BSN: variants seen among roughly 807,000 people sequenced by gnomAD.
The protein encoded by BSN is bassoon presynaptic cytomatrix protein.
A neutral mutation model predicts 264.8 loss-of-function variants in BSN; 57 were observed. The observed-to-expected ratio is 0.22, with a 90% CI of 0.17 to 0.27. BSN has a LOEUF of 0.27. Ranked by LOEUF, BSN falls within the 10% of genes least tolerant of loss-of-function variation. The pLI is 1.00. For missense variants in BSN, 4,615 were observed against 5,232.5 expected (o/e 0.88, Z 3.64); for synonymous variants, 2,059 against 2,137.3 (o/e 0.96, Z 1.01).
At chr3:49,624,909 G>A in intron 1 of BSN, 66 bp from the exon 2 acceptor site, 26 of 1,439,920 alleles carry the variant, frequency 1.8e-5, no homozygotes, top group Non-Finnish European at 2.3e-5. Flanking sequence ...ACCTAGCTTG[G>A]TAGAGACCTC....
At position 49,656,448 on chromosome 3, in the gene BSN, A is replaced by C. The variant is rs746179856; in HGVS notation, c.6892A>C (p.Arg2298=). Residue 2298 remains arginine, a synonymous_variant, in exon 5 of 12, where the codon AGG becomes CGG. Transcript: ENST00000296452. ...GGCCCCTGGGGCTGGGGGCCCTTCA[A>C]GGCCAGAGATGCCAGTAGGGGCTGC... ...AKAPGAGGPS[R]PEMPVGAARE... 1.3e-6 allele frequency: 2 copies of C among 1,594,506 alleles called. No individual in the cohort carries two copies. Among genetic ancestry groups the C allele is most frequent in the Non-Finnish European group, 1.7e-6 (2 of 1,169,102 alleles).
At chr3:49,559,682 C>T (rs1244010389) in intron 1 of BSN, among the ~76,000 whole-genome samples, 1 of 152,066 alleles carries the variant, frequency 6.6e-6, no homozygotes, top group Non-Finnish European at 1.5e-5. Flanking sequence ...CTTTTTGCTC[C>T]TTGCAGTTTA....
At chr3:49,665,986 CTGGCCT>C (rs1359476132) in intron 11 of BSN, among the ~76,000 whole-genome samples, 1 of 152,274 alleles carries the variant, frequency 6.6e-6, no homozygotes, top group African/African-American at 2.4e-5. Flanking sequence ...GGCCCTGGCC[CTGGCCT>C]TGGCCCTGCC....
chr3:49,655,586 A>G lies in BSN; in HGVS notation c.6030A>G (p.Arg2010=). ...RIGQLFQGPG[R]DSAMDLSSLK... is the part of the protein sequence containing the mutation. ...GGCAGCTCTTCCAGGGTCCTGGACG[A>G]GACTCGGCTATGGACCTCAGCTCAC... The change falls in exon 5 of 12, where the codon CGA becomes CGG. Residue 2010 remains arginine (R), a synonymous_variant. Transcript: ENST00000296452. 2 of 1,613,624 alleles carry G rather than the reference A, an allele frequency of 1.2e-6. No individual in the cohort carries two copies. The highest frequency in any genetic ancestry group is 8.5e-7 in the Non-Finnish European group (1 of 1,179,986).
intron 1 of BSN, among the ~76,000 whole-genome samples, chr3:49,573,188 G>A (rs73831442): frequency 0.024 from 3,628 of 152,314 alleles, 156 homozygotes; most frequent in African/African-American, 0.083. Context: ...AATGCCCTGA[G>A]GCAGTGATGC....
At chr3:49,565,920 C>T (rs1316081996) in intron 1 of BSN, among the ~76,000 whole-genome samples, 3 of 152,054 alleles carry the variant, frequency 2.0e-5, no homozygotes, top group Non-Finnish European at 4.4e-5. Flanking sequence ...CTCACGGGTT[C>T]AAGCAATTCT....
intron 1 of BSN, among the ~76,000 whole-genome samples, chr3:49,624,499 A>G (rs1314836299): frequency 1.3e-5 from 2 of 151,480 alleles, no homozygotes; most frequent in Non-Finnish European, 2.9e-5. Flanking sequence ...GGGTTTCACC[A>G]TGTTGGGCAG....
At chr3:49,620,369 G>A (rs1206553918) in intron 1 of BSN, among the ~76,000 whole-genome samples, 1 of 151,360 alleles carries the variant, frequency 6.6e-6, no homozygotes, top group African/African-American at 2.4e-5. Flanking sequence ...AGGTTGCCGT[G>A]AGCTGAGATC....
At position 49,663,172 on chromosome 3, in the gene BSN, C is replaced by T. The variant is rs145690340; in HGVS notation, c.11014C>T (p.Arg3672Trp). The change falls in exon 7 of 12, where the codon CGG becomes TGG. Residue 3672 changes from arginine to tryptophan, a missense_variant. This residue lies in a region of BSN where 3,415 missense variants were observed against 3,866.4 expected (regional missense o/e 0.88). Coordinates refer to ENST00000296452, the MANE Select transcript of BSN (RefSeq NM_003458.4). Reference protein sequence around the residue: ...PGRRAAKPHARDLGRHEARPH... With the variant: ...PGRRAAKPHAWDLGRHEARPH... ...ACGGCGTGCTGCCAAACCACACGCT[C>T]GGGACCTGGGTCGCCATGAGGCCCG... The T allele has an allele frequency of 2.8e-5, 45 of 1,613,362 alleles. No homozygotes were observed. The highest frequency in any genetic ancestry group is 5.5e-5 in the South Asian group (5 of 91,076).
At chr3:49,576,081 G>A (rs941606915) in intron 1 of BSN, among the ~76,000 whole-genome samples, 12 of 152,154 alleles carry the variant, frequency 7.9e-5, no homozygotes, top group African/African-American at 2.7e-4. Flanking sequence ...AAGAGACAAG[G>A]TGTTGTCTCT....
At chr3:49,605,264 TATATATATAC>T (rs1160943513) in intron 1 of BSN, among the ~76,000 whole-genome samples, 44 of 114,384 alleles carry the variant, frequency 3.8e-4, no homozygotes, top group African/African-American at 7.4e-4. Flanking sequence ...CTCAAAAAAA[TATATATATAC>T]ATATATATAC....
chr3:49,554,726 G>A lies in BSN; in HGVS notation c.124G>A (p.Gly42Ser). The part of the protein sequence containing the change: ...GAGKPPSAPA[G>S]GGQLPAAGAA... ...AGGAAAGCCGCCTTCAGCACCGGCCGGTGGCGGACAGCTCCCCGCGGCGGG... is the reference window on the plus strand; with the variant it reads ...AGGAAAGCCGCCTTCAGCACCGGCCAGTGGCGGACAGCTCCCCGCGGCGGG... The change falls in exon 1 of 12, where the codon GGT becomes AGT. Residue 42 changes from glycine to serine, a missense_variant. Gly to Ser is a moderately conservative substitution (Grantham distance 56). This residue lies in a region of BSN where 1,197 missense variants were observed against 1,348.0 expected (regional missense o/e 0.89). Coordinates refer to ENST00000296452, the MANE Select transcript of BSN (RefSeq NM_003458.4). The A allele has an allele frequency of 8.2e-7, 1 of 1,219,912 alleles. No individual in the cohort carries two copies. The highest frequency in any genetic ancestry group is 3.4e-5 in the East Asian group (1 of 29,208). 75.6% of individuals were successfully genotyped at this position (1,219,912 alleles called of 1,614,324 possible).
intron 3 of BSN, among the ~76,000 whole-genome samples, chr3:49,646,997 G>A (rs2052507026): frequency 6.6e-6 from 1 of 152,178 alleles, no homozygotes; most frequent in Non-Finnish European, 1.5e-5. Context: ...GATGACCCCT[G>A]GGCATCCTTT....
Position 49,554,699 on chromosome 3 carries a change from G to GGCC in BSN, c.97_98insGCC (p.Ala33delinsGlyPro). 1 of 1,136,286 alleles carries GGCC rather than the reference G, an allele frequency of 8.8e-7. No homozygotes were observed. Among genetic ancestry groups the GGCC allele is most frequent in the Non-Finnish European group, 1.1e-6 (1 of 924,720 alleles). 70.4% of individuals were successfully genotyped at this position (1,136,286 alleles called of 1,614,324 possible). ...CCCGGGCCCCGGCCCCGGCCCCGGC[G>GGCC]CAGGAAAGCCGCCTTCAGCACCGGC... On this transcript the variant is annotated protein_altering_variant, in exon 1 of 12. Transcript: ENST00000296452.
At chr3:49,644,088 A>C (rs1559612567) in intron 3 of BSN, among the ~76,000 whole-genome samples, 1 of 152,144 alleles carries the variant, frequency 6.6e-6, no homozygotes, top group African/African-American at 2.4e-5. Context: ...TGTGACCCTT[A>C]CCATGCTGCC....
chr3:49,663,550 C>T lies in BSN; in HGVS notation c.11392C>T (p.Arg3798Trp), dbSNP rs758324736. Residue 3798 changes from arginine (R) to tryptophan (W), a missense_variant, in exon 7 of 12, where the codon CGG becomes TGG. This residue lies in a region of BSN where 3,415 missense variants were observed against 3,866.4 expected (regional missense o/e 0.88). Transcript: ENST00000296452. ...QPPQQALTQA[R>W]LQQQSQPTTR... ...CCCACAGCAGGCTCTGACACAGGCT[C>T]GGCTGCAGCAACAGAGCCAGCCAAC... 8.7e-6 allele frequency: 14 copies of T among 1,609,300 alleles called. No homozygotes were observed. Among genetic ancestry groups the T allele is most frequent in the East Asian group, 4.5e-5 (2 of 44,790 alleles).
Position 49,656,781 on chromosome 3 carries a change from C to T in BSN, c.7225C>T (p.Gln2409Ter). Residue 2409 changes from glutamine to a stop codon, truncating the protein, a stop_gained, in exon 5 of 12, where the codon CAG (glutamine) becomes TAG (stop). Coordinates refer to ENST00000296452, the MANE Select transcript of BSN (RefSeq NM_003458.4). LOFTEE classifies it high-confidence loss of function. ...VELQRHREEEQLLVQRELQEL... is the reference protein window; with the variant it reads ...VELQRHREEE ...GCTGCAGAGGCACCGTGAGGAGGAGCAGCTGCTGGTGCAGCGGGAGTTGCA... is the reference window on the plus strand; with the variant it reads ...GCTGCAGAGGCACCGTGAGGAGGAGTAGCTGCTGGTGCAGCGGGAGTTGCA... 6.3e-7 allele frequency: 1 copy of T among 1,585,358 alleles called. No homozygotes were observed. The highest frequency in any genetic ancestry group is 8.6e-7 in the Non-Finnish European group (1 of 1,166,046).
At chr3:49,644,646 G>T (rs1402016027) in intron 3 of BSN, among the ~76,000 whole-genome samples, 1 of 152,178 alleles carries the variant, frequency 6.6e-6, no homozygotes, top group Non-Finnish European at 1.5e-5. Context: ...ACCCTAGCTG[G>T]CTGCTCTGCC....
At chr3:49,641,015 CAG>C (rs1249370613) in intron 2 of BSN, among the ~76,000 whole-genome samples, 2 of 150,538 alleles carry the variant, frequency 1.3e-5, no homozygotes, top group East Asian at 3.9e-4. Context: ...GAAAAGAGAC[CAG>C]AGAGAGGGGG....
Sources: gnomAD v4.1 joint callset for allele counts (sites outside exome capture counted in the v4.1 genomes callset) on GRCh38, gnomAD v4.1.1 for gene constraint, gnomAD v4.1.1 regional missense constraint, MANE v1.5 for transcripts, NCBI Gene and HGNC (gene_info 2026-07-23, HGNC 2026-07-21) for gene names.